KAZN: variants seen among roughly 807,000 people sequenced by gnomAD.
The protein encoded by KAZN is kazrin.
Under a neutral mutation model 87.4 loss-of-function variants are expected in KAZN, and 40 were observed. The ratio of observed to expected loss-of-function variants is 0.46; its 90% CI spans 0.36 to 0.60. KAZN has a LOEUF of 0.60. Ranked by LOEUF, KAZN falls within the 20% of genes least tolerant of loss-of-function variation. The probability of loss-of-function intolerance (pLI) is 0.00; values close to 1 mark genes in which losing one functional copy is unlikely to be tolerated. For synonymous variants in KAZN, 466 were observed against 458.3 expected (o/e 1.02, Z -0.22); for missense variants, 898 against 1,073.9 (o/e 0.84, Z 2.29).
chr1:14,105,772 G>A (rs1403278023), intron 1 of KAZN, among the ~76,000 whole-genome samples: 7 of 152,204 alleles, frequency 4.6e-5, no homozygotes, highest in Non-Finnish European at 7.3e-5. Context: ...CTTGAGCTGC[G>A]TGGAAGAGTC....
intron 2 of KAZN, among the ~76,000 whole-genome samples, chr1:14,555,577 G>A (rs1673812164): frequency 6.6e-6 from 1 of 152,144 alleles, no homozygotes; most frequent in African/African-American, 2.4e-5. Context: ...AGATCAAAAT[G>A]CCGTGTAGGA....
intron 1 of KAZN, among the ~76,000 whole-genome samples, chr1:14,830,192 T>C (rs1647013786): frequency 6.6e-6 from 1 of 152,204 alleles, no homozygotes; most frequent in African/African-American, 2.4e-5. Flanking sequence ...TTCTAGACTC[T>C]TTCTTCCTTT....
Position 13,922,655 on chromosome 1 carries a change from T to C in KAZN, c.91+28899T>C, listed in dbSNP as rs1316615133. ...CTGGGGTTTCCTTCTCTCCCAGATT[T>C]ACAGCTTTAAAGGCACCCTGAGAAA... On this transcript the variant is annotated intron_variant, in intron 1 of 16. Coordinates refer to the KAZN transcript ENST00000636203. Among the ~76,000 whole-genome samples, 3 of 152,254 alleles carry C rather than the reference T, an allele frequency of 2.0e-5. No homozygotes were observed. The East Asian group carries it at 5.8e-4, about 29-fold the overall frequency.
At chr1:14,469,601 C>T (rs923208478) in intron 2 of KAZN, among the ~76,000 whole-genome samples, 3 of 152,126 alleles carry the variant, frequency 2.0e-5, no homozygotes, top group African/African-American at 7.2e-5. Flanking sequence ...CCATCCTAGG[C>T]AGCATTAACA....
chr1:14,714,985 C>T (rs980747586), intron 1 of KAZN, among the ~76,000 whole-genome samples: 2 of 151,722 alleles, frequency 1.3e-5, no homozygotes, highest in East Asian at 1.9e-4. Flanking sequence ...TTAGTAGAGA[C>T]GAGGTTTCAC....
At chr1:14,661,075 C>G (rs958097443) in intron 1 of KAZN, among the ~76,000 whole-genome samples, 1 of 152,140 alleles carries the variant, frequency 6.6e-6, no homozygotes, top group African/African-American at 2.4e-5. Context: ...CTGTATTAGG[C>G]CTTTTACTTA....
intron 1 of KAZN, among the ~76,000 whole-genome samples, chr1:14,881,716 G>A (rs2801178): frequency 2.6e-5 from 4 of 152,048 alleles, no homozygotes; most frequent in Admixed American, 2.0e-4. Flanking sequence ...GTTTCTGCTC[G>A]ACCACTTCCC....
chr1:14,557,347 G>A (rs1673946049), intron 2 of KAZN, among the ~76,000 whole-genome samples: 1 of 152,012 alleles, frequency 6.6e-6, no homozygotes, highest in African/African-American at 2.4e-5. Flanking sequence ...CTATCTAAAT[G>A]GGTACCAGTT....
chr1:14,865,080 G>T (rs570691386), intron 1 of KAZN, among the ~76,000 whole-genome samples: 3 of 152,262 alleles, frequency 2.0e-5, no homozygotes, highest in East Asian at 3.9e-4. Flanking sequence ...ATTGGAATGT[G>T]TGAGAGGAAG....
chr1:14,831,966 A>G (rs897959772), intron 1 of KAZN, among the ~76,000 whole-genome samples: 3 of 152,092 alleles, frequency 2.0e-5, no homozygotes, highest in Non-Finnish European at 2.9e-5. Flanking sequence ...AGGCCGAGGG[A>G]GGTGAATCAC....
intron 2 of KAZN, among the ~76,000 whole-genome samples, chr1:14,591,949 T>A (rs1222686661): frequency 1.3e-5 from 2 of 152,190 alleles, no homozygotes; most frequent in Admixed American, 6.5e-5. Context: ...TTTCATTTCA[T>A]AGCTGTGGTT....
intron 1 of KAZN, among the ~76,000 whole-genome samples, chr1:14,137,091 G>A (rs770127935): frequency 2.1e-4 from 32 of 152,302 alleles, no homozygotes; most frequent in Non-Finnish European, 3.4e-4. Flanking sequence ...CAACAAGTGA[G>A]GAAGGAAGGG....
intron 1 of KAZN, among the ~76,000 whole-genome samples, chr1:14,638,513 G>A (rs190434571): frequency 5.5e-4 from 83 of 149,732 alleles, no homozygotes; most frequent in Non-Finnish European, 1.0e-3. Flanking sequence ...AGGTTGCAGC[G>A]AGCTGAGATT....
intron 1 of KAZN, among the ~76,000 whole-genome samples, chr1:14,744,546 T>G (rs995734830): frequency 6.6e-6 from 1 of 151,950 alleles, no homozygotes; most frequent in Admixed American, 6.6e-5. Context: ...CTGGGCAACA[T>G]AGCAAGATCC....
intron 1 of KAZN, among the ~76,000 whole-genome samples, chr1:14,172,145 ACAAC>A (rs375502205): frequency 1.2e-4 from 19 of 152,368 alleles, no homozygotes; most frequent in African/African-American, 4.3e-4. Context: ...CACATTCAAA[ACAAC>A]CAACCAAATA....
chr1:14,643,272 G>A (rs565260389), intron 1 of KAZN, among the ~76,000 whole-genome samples: 1 of 152,098 alleles, frequency 6.6e-6, no homozygotes, highest in African/African-American at 2.4e-5. Flanking sequence ...TCATCACCTC[G>A]GTATTAAGCC....
At chr1:14,510,809 G>A (rs935675781) in intron 2 of KAZN, among the ~76,000 whole-genome samples, 13 of 152,134 alleles carry the variant, frequency 8.5e-5, no homozygotes, top group East Asian at 1.9e-4. Context: ...CAGGATACAC[G>A]TTGGAGGCAG....
intron 2 of KAZN, among the ~76,000 whole-genome samples, chr1:14,327,630 C>T (rs907365010): frequency 1.3e-5 from 2 of 152,160 alleles, no homozygotes; most frequent in African/African-American, 4.8e-5. Context: ...AACACAAGTG[C>T]CCATCAATAA....
chr1:14,935,523 C>T (rs908382563), intron 1 of KAZN, among the ~76,000 whole-genome samples: 1 of 152,194 alleles, frequency 6.6e-6, no homozygotes, highest in Non-Finnish European at 1.5e-5. Flanking sequence ...TCTCTGTCCA[C>T]TCCGGACCTA....
Sources: allele counts gnomAD v4.1 joint callset (sites outside exome capture counted in the v4.1 genomes callset), GRCh38; gene constraint gnomAD v4.1.1; transcripts MANE v1.5; gene names NCBI Gene and HGNC (gene_info 2026-07-23, HGNC 2026-07-21).